Variants in SETD9 observed in about 807,000 individuals in gnomAD.
SETD9 encodes SET domain containing 9.
Under a neutral mutation model 36.4 loss-of-function variants are expected in SETD9, and 37 were observed. The ratio of observed to expected loss-of-function variants is 1.02; its 90% CI spans 0.78 to 1.34. SETD9 has a LOEUF of 1.34. SETD9 is among the 40% of genes most tolerant of loss of function. SETD9 has a pLI of 0.00. For synonymous variants in SETD9, 128 were observed against 132.9 expected (o/e 0.96, Z 0.26); for missense variants, 323 against 353.2 (o/e 0.91, Z 0.69).
At chr5:56,928,858 C>T (rs368716298), downstream of SETD9, 4 of 1,608,720 alleles carry the variant, frequency 2.5e-6, no homozygotes, top group Non-Finnish European at 3.4e-6. Flanking sequence ...TGCAGTCATT[C>T]CTTCTAAGAA....
intron 2 of SETD9, 62 bp downstream of exon 2, chr5:56,911,598 A>G: frequency 1.4e-6 from 2 of 1,452,148 alleles, no homozygotes; most frequent in African/African-American, 1.4e-5. Context: ...ACATAAGTTC[A>G]GTAACATACC....
rs565757445 is a variant in SETD9, at chr5:56,909,947, G to A, written c.98+204G>A. 112 of 1,141,208 alleles carry A rather than the reference G, an allele frequency of 9.8e-5. No homozygotes were observed. The African/African-American group carries it at 1.6e-3, about 17-fold the overall frequency. The allele number at this position is 1,141,208 out of a possible 1,614,324, so 70.7% of individuals were successfully genotyped here. On this transcript the variant is annotated intron_variant, in intron 1 of 5. Transcript: ENST00000285947. Reference sequence around the variant, plus strand: ...TTTAAGGAACGCGGGCCAGAGGCGGGCGGGGCCGAGGTTGGTGGAGTCCGA... The same window carrying A: ...TTTAAGGAACGCGGGCCAGAGGCGGACGGGGCCGAGGTTGGTGGAGTCCGA...
At chr5:56,926,923 C>A (rs548652500), downstream of SETD9, among the ~76,000 whole-genome samples, 1 of 152,146 alleles carries the variant, frequency 6.6e-6, no homozygotes, top group Non-Finnish European at 1.5e-5. Context: ...AAAACAAACA[C>A]AAACAAACAA....
chr5:56,925,347 T>G (rs1371614277), exon 6 of SETD9: 1 of 454,684 alleles, frequency 2.2e-6, no homozygotes, highest in South Asian at 1.6e-5. Context: ...CATGACTGTC[T>G]ACGTAGAAAA....
At chr5:56,923,665 T>A (rs1749802288) in intron 5 of SETD9, 2 of 1,614,120 alleles carry the variant, frequency 1.2e-6, no homozygotes, top group Non-Finnish European at 1.7e-6. Flanking sequence ...CAAACTGTAC[T>A]AAATGCAGAA....
intron 1 of SETD9, chr5:56,910,015 G>C: frequency 7.4e-7 from 1 of 1,349,636 alleles, no homozygotes; most frequent in South Asian, 1.6e-5. Context: ...TCAGGTGGGC[G>C]GGGCCTATGG....
In SETD9 at chr5:56,911,416, C is replaced by A. The variant is rs1452140575; in HGVS notation, c.346C>A (p.Leu116Ile). The change falls in exon 2 of 6, where the codon CTT becomes ATT. Residue 116 changes from leucine to isoleucine, a missense_variant. Transcript: ENST00000285947. ...AAGTACCTTTAAACCAGAAGAAATT[C>A]TTTACAAGACTTTGGGTTTCAGTGT... is the stretch of plus-strand genomic sequence containing the variant. ...QQSTFKPEEI[L>I]YKTLGFSVAQ... 2 of 1,613,528 alleles carry A rather than the reference C, an allele frequency of 1.2e-6. No individual in the cohort carries two copies. Among genetic ancestry groups the A allele is most frequent in the East Asian group, 2.2e-5 (1 of 44,886 alleles).
chr5:56,922,768 T>TGGTGTAGATCTC, intron 5 of SETD9: 1 of 233,126 alleles, frequency 4.3e-6, no homozygotes, highest in Admixed American at 5.0e-5. Flanking sequence ...GGTTTTGAGC[T>TGGTGTAGATCTC]GGTGGCCTCT....
upstream of SETD9, chr5:56,909,512 G>A (rs890514718): frequency 1.7e-6 from 1 of 594,362 alleles, no homozygotes. Context: ...GAAGTCAGGC[G>A]GTGCCAGGAA....
chr5:56,910,084 T>G (rs1033893516), intron 1 of SETD9: 6 of 1,254,074 alleles, frequency 4.8e-6, no homozygotes, highest in Middle Eastern at 3.3e-4. Flanking sequence ...GCCAGCCGGA[T>G]GTGTCGCCTG....
downstream of SETD9, chr5:56,920,429 A>G (rs1579824226): frequency 2.0e-5 from 3 of 152,712 alleles, no homozygotes. Context: ...GTTTGTTCAT[A>G]AGAAAATAAT....
At chr5:56,921,643 A>G (rs948449250), downstream of SETD9, 1 of 152,616 alleles carries the variant, frequency 6.6e-6, no homozygotes, top group African/African-American at 2.4e-5. Context: ...AATCACTACT[A>G]AGATCACTAC....
At chr5:56,909,790 C>A in intron 1 of SETD9, 47 bp downstream of exon 1, 1 of 1,547,544 alleles carries the variant, frequency 6.5e-7, no homozygotes. Context: ...CTTCGGTTCC[C>A]AGACGCCACC....
At chr5:56,920,508 T>C (rs755916198), downstream of SETD9, 16 of 152,700 alleles carry the variant, frequency 1.0e-4, no homozygotes, top group Non-Finnish European at 1.5e-4. Context: ...TAACACTTGA[T>C]AATAAAGGCA....
chr5:56,910,811 C>T (rs1213274219), intron 1 of SETD9: 3 of 183,278 alleles, frequency 1.6e-5, no homozygotes, highest in East Asian at 1.6e-4. Context: ...GGGTGTAGTA[C>T]GGGAAAGAGC....
chr5:56,924,172 T>A, intron 5 of SETD9: 1 of 858,776 alleles, frequency 1.2e-6, no homozygotes, highest in Non-Finnish European at 1.7e-6. Flanking sequence ...TGAACACTTT[T>A]AATAAATTAT....
intron 2 of SETD9, 24 bp downstream of exon 2, chr5:56,911,560 C>CT (rs1749130450): frequency 1.3e-6 from 2 of 1,498,386 alleles, no homozygotes; most frequent in East Asian, 4.6e-5. Context: ...TAATATTATA[C>CT]TTTGCCAAGC....
At position 56,913,882 on chromosome 5, in the gene SETD9, A is replaced by G. The variant is rs1290640152; in HGVS notation, c.599A>G (p.Asn200Ser). ...GCTTTCACTTGTTTCAGATCTTGCA[A>G]TGGGAGGGATCGACTCGGCCCTTTA... ...GISKVVYRSCNGRDRLGPLKM... is the reference protein window; with the variant it reads ...GISKVVYRSCSGRDRLGPLKM... Residue 200 changes from asparagine to serine, a missense_variant, in exon 4 of 6, where the codon AAT becomes AGT. Transcript: ENST00000285947. 2 of 1,607,828 alleles carry G rather than the reference A, an allele frequency of 1.2e-6. No individual in the cohort carries two copies. Among genetic ancestry groups the G allele is most frequent in the Admixed American group, 1.7e-5 (1 of 59,986 alleles).
At chr5:56,912,859 GGTTCT>G in intron 2 of SETD9, 147 bp from the exon 3 acceptor site, 1 of 680,992 alleles carries the variant, frequency 1.5e-6, no homozygotes, top group Non-Finnish European at 2.5e-6. Context: ...TGGATGAGTT[GGTTCT>G]GTGCTCCATC....
Sources: allele counts gnomAD v4.1 joint callset (sites outside exome capture counted in the v4.1 genomes callset), GRCh38; gene constraint gnomAD v4.1.1; transcripts MANE v1.5; gene names NCBI Gene and HGNC (gene_info 2026-07-23, HGNC 2026-07-21).